Variants in TTC6 observed in about 807,000 individuals in gnomAD.
TTC6 encodes the protein tetratricopeptide repeat domain 6.
TTC6 carries 172 observed loss-of-function variants against 210.4 expected under a neutral mutation model. The ratio of observed to expected loss-of-function variants is 0.82; its 90% confidence interval spans 0.72 to 0.93. The LOEUF is 0.93. Ranked by LOEUF, TTC6 falls within the 40% of genes least tolerant of loss-of-function variation. TTC6 has a pLI of 0.00. For synonymous variants in TTC6, 804 were observed against 819.6 expected (o/e 0.98, Z 0.32); for missense variants, 2,414 against 2,318.1 (o/e 1.04, Z -0.85).
At chr14:37,788,006 A>T (rs2096071919) in intron 15 of TTC6, among the ~76,000 whole-genome samples, 1 of 151,934 alleles carries the variant, frequency 6.6e-6, no homozygotes, top group Non-Finnish European at 1.5e-5. Context: ...CTGCAAACCC[A>T]GTCCTGTTTC....
exon 13 of TTC6, chr14:37,751,117 C>T (rs1449814528): frequency 6.5e-7 from 1 of 1,532,116 alleles, no homozygotes. Context: ...CAATTCTAAA[C>T]TATACCCAGG....
upstream of TTC6, among the ~76,000 whole-genome samples, chr14:37,620,900 A>G (rs1038511645): frequency 6.6e-6 from 1 of 152,178 alleles, no homozygotes; most frequent in Non-Finnish European, 1.5e-5. Flanking sequence ...GGTCAGACTC[A>G]GGCTCCAGCT....
intron 17 of TTC6, among the ~76,000 whole-genome samples, chr14:37,793,956 A>G (rs923070798): frequency 6.6e-5 from 10 of 152,172 alleles, no homozygotes; most frequent in African/African-American, 2.2e-4. Flanking sequence ...TAAATAAAAC[A>G]ATTGTAAATA....
At position 37,639,779 on chromosome 14, in the gene TTC6, G is replaced by T. The variant is rs146024537; in HGVS notation, c.939+16776G>T. Among the ~76,000 whole-genome samples the T allele has an allele frequency of 3.5e-3, 518 of 149,580 alleles. 4 individuals carry two copies. Among genetic ancestry groups the T allele is most frequent in the African/African-American group, 0.012 (498 of 40,838 alleles). On this transcript the variant is annotated intron_variant, in intron 1 of 30. Coordinates refer to ENST00000553443, the Ensembl canonical transcript of TTC6. ...TGTGCACCTGTAATCCAAGCTACTC[G>T]GGAGGTTGAGGCAGGAGAATTGCTT...
At chr14:37,745,697 T>C (rs1339968052) in intron 10 of TTC6, among the ~76,000 whole-genome samples, 1 of 152,202 alleles carries the variant, frequency 6.6e-6, no homozygotes, top group Non-Finnish European at 1.5e-5. Flanking sequence ...GTGGGATTTG[T>C]AGTGGGTATC....
At chr14:37,746,489 G>T (rs2095936394) in intron 10 of TTC6, among the ~76,000 whole-genome samples, 1 of 152,198 alleles carries the variant, frequency 6.6e-6, no homozygotes, top group South Asian at 2.1e-4. Context: ...CCAAATAAGA[G>T]ACCCTGAGGG....
chr14:37,749,168 T>C (rs1331659738), exon 11 of TTC6: 1 of 1,535,204 alleles, frequency 6.5e-7, no homozygotes. Context: ...TGATAAAATA[T>C]CAGTTCCTGA....
chr14:37,690,000 C>T (rs2095800731), intron 3 of TTC6, among the ~76,000 whole-genome samples: 1 of 151,954 alleles, frequency 6.6e-6, no homozygotes, highest in South Asian at 2.1e-4. Flanking sequence ...ATAACTATAA[C>T]AAGTTTTCAA....
chr14:37,609,624 A>G (rs1461251211), intron 2 of TTC6, among the ~76,000 whole-genome samples: 2 of 152,320 alleles, frequency 1.3e-5, no homozygotes, highest in East Asian at 3.9e-4. Context: ...TTGATTACAT[A>G]AAGTATTAAT....
chr14:37,749,354 T>G, exon 11 of TTC6: 1 of 1,469,586 alleles, frequency 6.8e-7, no homozygotes, highest in Non-Finnish European at 9.0e-7. Context: ...TGGAGCTATT[T>G]ATAGGAAACT....
rs537258137 is a variant in TTC6, at chr14:37,827,236, T to C, written c.5168T>C (p.Ile1723Thr). 24 of 1,612,938 alleles carry C rather than the reference T, an allele frequency of 1.5e-5. No individual in the cohort carries two copies. The South Asian group carries it at 1.6e-4, about 11-fold the overall frequency. The change falls in exon 29 of 31, where the codon ATT (isoleucine) becomes ACT (threonine). Residue 1723 changes from isoleucine (I) to threonine (T), a missense_variant. Physicochemically the swap from Ile to Thr is moderately conservative, Grantham distance 89. Coordinates refer to ENST00000553443, the Ensembl canonical transcript of TTC6. The stretch of plus-strand genomic sequence containing the variant: ...GAATTCTTAACAAATCGTGGGGTGA[T>C]TCATGAGTTTATGGGCCACAAACAG...
intron 15 of TTC6, among the ~76,000 whole-genome samples, chr14:37,788,519 A>G (rs532602166): frequency 4.6e-5 from 7 of 152,200 alleles, no homozygotes; most frequent in African/African-American, 1.7e-4. Context: ...AAATAACTCA[A>G]ATTTCATTCT....
In TTC6 at chr14:37,808,755, A is replaced by C. The variant is rs774380529; in HGVS notation, c.4478A>C (p.Asp1493Ala). The C allele has an allele frequency of 4.0e-6, 6 of 1,511,250 alleles. 1 individual carries two copies. The South Asian group carries it at 7.7e-5, about 19-fold the overall frequency. The allele number at this position is 1,511,250 out of a possible 1,614,324, so 93.6% of individuals were successfully genotyped here. A position where few individuals can be genotyped will look rare whatever the true frequency, so the allele number is the denominator to read the frequency against. The change falls in exon 24 of 31, where the codon GAT becomes GCT. Residue 1493 changes from aspartate (D) to alanine (A), a missense_variant. Transcript: ENST00000553443. ...TAGACTTATAAGCTAGCAATTACAG[A>C]TTTAACTACAGCTATCAGCATGGAC...
chr14:37,700,750 C>CAAAAAAAAAAAAAA (rs35091344), intron 4 of TTC6, among the ~76,000 whole-genome samples: 2 of 62,286 alleles, frequency 3.2e-5, no homozygotes, highest in Non-Finnish European at 5.1e-5. Context: ...CTCCATCTCA[C>CAAAAAAAAAAAAAA]AAAAAAAAAA....
intron 27 of TTC6, 141 bp from the exon 30 acceptor site, chr14:37,826,054 A>G (rs1054305634): frequency 6.5e-6 from 5 of 764,852 alleles, no homozygotes; most frequent in Non-Finnish European, 7.8e-6. Flanking sequence ...CAGTATGCCT[A>G]CTTTCTGGTT....
intron 2 of TTC6, among the ~76,000 whole-genome samples, chr14:37,682,109 A>G (rs555774036): frequency 9.2e-5 from 14 of 152,064 alleles, no homozygotes; most frequent in African/African-American, 2.6e-4. Context: ...CTAAAGAGCC[A>G]CTTTGATTTG....
intron 1 of TTC6, among the ~76,000 whole-genome samples, chr14:37,679,065 A>G (rs1226545764): frequency 1.3e-5 from 2 of 152,088 alleles, no homozygotes; most frequent in African/African-American, 4.8e-5. Context: ...TACAAAAAAC[A>G]AAAACATTAG....
chr14:37,841,311 T>C, intron 29 of TTC6, 134 bp from the exon 32 acceptor site: 1 of 743,456 alleles, frequency 1.3e-6, no homozygotes, highest in Non-Finnish European at 2.2e-6. Context: ...TGCACCTCTG[T>C]ACCTGGGATG....
chr14:37,682,874 G>T (rs183722414), exon 3 of TTC6: 3 of 1,535,620 alleles, frequency 2.0e-6, no homozygotes, highest in Non-Finnish European at 2.6e-6. Flanking sequence ...AGGAAATTTC[G>T]CAAGTTCAGC....
Sources: gnomAD v4.1 joint callset for allele counts (sites outside exome capture counted in the v4.1 genomes callset) on GRCh38, gnomAD v4.1.1 for gene constraint, MANE v1.5 for transcripts, NCBI Gene and HGNC (gene_info 2026-07-23, HGNC 2026-07-21) for gene names.